PLSCR2: variants seen among roughly 807,000 people sequenced by gnomAD.
The protein encoded by PLSCR2 is phospholipid scramblase 2.
In PLSCR2, 18 loss-of-function variants were observed where a neutral mutation model predicts 25.3. That is an observed-to-expected ratio of 0.71 (90% CI 0.49 to 1.06). The LOEUF is 1.06. PLSCR2 is among the 50% of genes least tolerant of loss of function. The pLI, the probability that PLSCR2 is intolerant of heterozygous loss-of-function variation, is 0.00. For synonymous variants in PLSCR2, 88 were observed against 87.3 expected, an observed-to-expected ratio of 1.01 and a Z score of -0.04; for missense variants, 243 against 269.5, an observed-to-expected ratio of 0.90 and a Z score of 0.69.
Position 146,428,266 on chromosome 3 carries a change from C to T in PLSCR2, c.100+30145G>A, listed in dbSNP as rs186931589. Among the ~76,000 whole-genome samples, 443 of 152,182 alleles carry T rather than the reference C, an allele frequency of 2.9e-3. 2 individuals carry two copies. Among genetic ancestry groups the T allele is most frequent in the Non-Finnish European group, 5.5e-3 (373 of 68,000 alleles). On this transcript the variant is annotated intron_variant and NMD_transcript_variant, in intron 2 of 3. Coordinates refer to the PLSCR2 transcript ENST00000463633. Reference sequence around the variant, plus strand: ...GAAATGTTTCTTAGAAACTGATTCTCAAGAGAAAATGCAATTTTAGGAAGA... The same window carrying T: ...GAAATGTTTCTTAGAAACTGATTCTTAAGAGAAAATGCAATTTTAGGAAGA...
intron 3 of PLSCR2, among the ~76,000 whole-genome samples, chr3:146,457,842 G>C (rs1290545610): frequency 6.6e-6 from 1 of 152,156 alleles, no homozygotes; most frequent in Non-Finnish European, 1.5e-5. Flanking sequence ...TTCTACATTA[G>C]AGTTTATAAC....
intron 2 of PLSCR2, among the ~76,000 whole-genome samples, chr3:146,411,685 G>A (rs2038857533): frequency 6.6e-6 from 1 of 152,210 alleles, no homozygotes; most frequent in Admixed American, 6.5e-5. Flanking sequence ...CCAAGAGACA[G>A]CTAATGCTCA....
upstream of PLSCR2, among the ~76,000 whole-genome samples, chr3:146,462,325 C>T (rs1189113835): frequency 6.6e-6 from 1 of 152,086 alleles, no homozygotes; most frequent in Non-Finnish European, 1.5e-5. Context: ...CTCCTGGACT[C>T]AAGCGATCCT....
At chr3:146,428,986 AC>A (rs1304913514), downstream of PLSCR2, among the ~76,000 whole-genome samples, 7 of 152,126 alleles carry the variant, frequency 4.6e-5, 1 homozygote. Context: ...TACTGCAGGA[AC>A]CTTCTCATGT....
intron 3 of PLSCR2, among the ~76,000 whole-genome samples, chr3:146,457,788 T>A (rs1282549033): frequency 2.0e-5 from 3 of 152,224 alleles, no homozygotes. Flanking sequence ...AATCCCTTAA[T>A]GTTATTTGCA....
intron 1 of PLSCR2, among the ~76,000 whole-genome samples, chr3:146,473,339 C>G (rs1209706152): frequency 7.3e-6 from 1 of 136,088 alleles, no homozygotes; most frequent in African/African-American, 2.8e-5. Context: ...GAGTCTTGCT[C>G]TGTCGCCCAG....
At chr3:146,428,024 C>A (rs1217865916) in intron 2 of PLSCR2, among the ~76,000 whole-genome samples, 3 of 152,064 alleles carry the variant, frequency 2.0e-5, no homozygotes, top group African/African-American at 7.2e-5. Context: ...CACACACACA[C>A]AAAAATTAGA....
At chr3:146,484,022 T>C (rs557585189) in intron 1 of PLSCR2, among the ~76,000 whole-genome samples, 89 of 151,618 alleles carry the variant, frequency 5.9e-4, no homozygotes, top group South Asian at 1.0e-3. Flanking sequence ...TAACCCAATC[T>C]AAAGAAGCTA....
At chr3:146,421,298 A>G (rs1024066089) in intron 2 of PLSCR2, among the ~76,000 whole-genome samples, 6 of 151,994 alleles carry the variant, frequency 3.9e-5, no homozygotes, top group Non-Finnish European at 8.8e-5. Context: ...TATTTATAAT[A>G]TACTAAACCC....
At chr3:146,410,269 T>C (rs1051295854) in intron 2 of PLSCR2, among the ~76,000 whole-genome samples, 1 of 152,076 alleles carries the variant, frequency 6.6e-6, no homozygotes, top group Non-Finnish European at 1.5e-5. Context: ...GGAATCTAAA[T>C]GAAGTAAAGC....
rs752019117 is a variant in PLSCR2 at position 146,455,431 on chromosome 3, CAT to C, written c.127_128del (p.Met43ValfsTer2). Reference sequence around the variant, plus strand: ...GCCCAAAGCTGTTCTTGATTTCATACATGTTACTACTTTCAAAACTGAATAGA... The same window carrying C: ...GCCCAAAGCTGTTCTTGATTTCATACGTTACTACTTTCAAAACTGAATAGA... On this transcript the variant is annotated frameshift_variant, in exon 4 of 7. Transcript: ENST00000610787. LOFTEE classifies it high-confidence loss of function. 23 of 1,610,466 alleles carry C rather than the reference CAT, an allele frequency of 1.4e-5. No individual in the cohort carries two copies. In the South Asian group the frequency reaches 2.5e-4, roughly 18 times the overall value.
chr3:146,439,944 T>C (rs564772629), downstream of PLSCR2, among the ~76,000 whole-genome samples: 1 of 152,324 alleles, frequency 6.6e-6, no homozygotes, highest in East Asian at 1.9e-4. Context: ...GACGTACAGA[T>C]GGGGTTTTGG....
intron 1 of PLSCR2, among the ~76,000 whole-genome samples, chr3:146,486,688 A>G (rs72986619): frequency 0.076 from 11,338 of 148,256 alleles, 594 homozygotes; most frequent in African/African-American, 0.15. Context: ...ATTGCCTACC[A>G]AAAAAAAACC....
intron 1 of PLSCR2, among the ~76,000 whole-genome samples, chr3:146,474,257 T>G (rs2042212600): frequency 6.6e-6 from 1 of 152,340 alleles, no homozygotes; most frequent in Admixed American, 6.5e-5. Flanking sequence ...ATGCTATCTT[T>G]TTTTATTGTT....
chr3:146,393,129 C>T lies in PLSCR2; in HGVS notation c.*146-1567G>A, dbSNP rs367939415. 2.7e-3 allele frequency among the ~76,000 whole-genome samples: 398 copies of T among 148,420 alleles called. 4 individuals are homozygous for T. The highest frequency in any genetic ancestry group is 8.0e-3 in the African/African-American group (322 of 40,298). On this transcript the variant is annotated intron_variant and NMD_transcript_variant, in intron 3 of 3. Coordinates refer to the PLSCR2 transcript ENST00000463633. Reference sequence around the variant, plus strand: ...CTGCAAGCTCCGCCTCCCTGGTTCACGCCATTCTCCTGCCTCAGCCTCCCA... The same window carrying T: ...CTGCAAGCTCCGCCTCCCTGGTTCATGCCATTCTCCTGCCTCAGCCTCCCA...
chr3:146,488,382 T>A (rs564838522), intron 1 of PLSCR2, among the ~76,000 whole-genome samples: 1 of 151,604 alleles, frequency 6.6e-6, no homozygotes, highest in Non-Finnish European at 1.5e-5. Context: ...AGCATCAGAG[T>A]GAACAGATAA....
intron 1 of PLSCR2, among the ~76,000 whole-genome samples, chr3:146,484,767 C>T (rs1207297333): frequency 6.6e-6 from 1 of 152,058 alleles, no homozygotes; most frequent in Admixed American, 6.6e-5. Flanking sequence ...ACCAGTCCTG[C>T]CCTGCAAGAG....
At chr3:146,406,662 G>C (rs1336403012) in intron 2 of PLSCR2, among the ~76,000 whole-genome samples, 1 of 152,190 alleles carries the variant, frequency 6.6e-6, no homozygotes, top group Non-Finnish European at 1.5e-5. Flanking sequence ...TAGGCCTGGG[G>C]ACCTATGTTT....
At chr3:146,458,736 A>G (rs1257145950) in intron 2 of PLSCR2, among the ~76,000 whole-genome samples, 2 of 152,042 alleles carry the variant, frequency 1.3e-5, no homozygotes, top group African/African-American at 4.8e-5. Context: ...TGTTCTTCCT[A>G]AATGAGGCTT....
Sources: allele counts gnomAD v4.1 joint callset (sites outside exome capture counted in the v4.1 genomes callset), GRCh38; gene constraint gnomAD v4.1.1; transcripts MANE v1.5; gene names NCBI Gene and HGNC (gene_info 2026-07-23, HGNC 2026-07-21).